Variants in DOHH observed in about 807,000 individuals in gnomAD.
The protein encoded by DOHH is HEAT-like (PBS lyase) repeat containing 1.
DOHH carries 16 observed loss-of-function variants against 19.9 expected under a neutral mutation model. The observed-to-expected ratio is 0.80, with a 90% CI of 0.54 to 1.22. DOHH has a LOEUF of 1.22. Ranked by LOEUF, DOHH falls within the 50% of genes most tolerant of loss-of-function variation. The pLI, the probability that DOHH is intolerant of heterozygous loss-of-function variation, is 0.00. For synonymous variants in DOHH, 233 were observed against 217.0 expected, an observed-to-expected ratio of 1.07 and a Z score of -0.65; for missense variants, 460 against 460.6, an observed-to-expected ratio of 1.00 and a Z score of 0.01.
intron 4 of DOHH, 30 bp downstream of exon 4, chr19:3,492,232 C>T (rs867679784): frequency 1.9e-5 from 27 of 1,444,172 alleles, no homozygotes; most frequent in Non-Finnish European, 2.4e-5. Context: ...AGGCACTGCC[C>T]AGGACCCCAC....
chr19:3,491,692 T>G lies in DOHH; in HGVS notation c.709A>C (p.Met237Leu), dbSNP rs1170623526. The part of the protein sequence containing the change: ...AALARCTENP[M>L]VRHECAEALG... ...GCCTCCGCGCACTCGTGCCGCACCA[T>G]GGGGTTCTCGGTGCATCGGGCCAGG... Residue 237 changes from methionine to leucine, a missense_variant, in exon 5 of 5, where the codon ATG becomes CTG. Transcript: ENST00000427575. The surrounding 1 kb of genome is among the most constrained non-coding windows in gnomAD (Gnocchi z 5.6). 3.3e-6 allele frequency: 5 copies of G among 1,530,644 alleles called. No individual in the cohort carries two copies. In the East Asian group the frequency reaches 1.2e-4, roughly 38 times the overall value. The allele number at this position is 1,530,644 out of a possible 1,614,324, so 94.8% of individuals were successfully genotyped here. A position where few individuals can be genotyped will look rare whatever the true frequency, so the allele number is the denominator to read the frequency against.
chr19:3,491,347 G>A lies in DOHH; in HGVS notation c.*145C>T. ...GCACAACGGCAGCTCCTCGGTCCCA[G>A]ACGGAGGAGGGGGACAGCAACCATG... On this transcript the variant is annotated 3_prime_UTR_variant, in exon 5 of 5. Coordinates refer to ENST00000427575, the MANE Select transcript of DOHH (RefSeq NM_001145165.2). The surrounding 1 kb of genome is among the most constrained non-coding windows in gnomAD (Gnocchi z 5.6). 1 of 873,838 alleles carries A rather than the reference G, an allele frequency of 1.1e-6. No individual in the cohort carries two copies. Among genetic ancestry groups the A allele is most frequent in the Non-Finnish European group, 1.7e-6 (1 of 583,520 alleles). 54.1% of individuals were successfully genotyped at this position (873,838 alleles called of 1,614,324 possible).
In DOHH at chr19:3,491,220, A is replaced by C; in HGVS notation, c.*272T>G. On this transcript the variant is annotated 3_prime_UTR_variant, in exon 5 of 5. Coordinates refer to ENST00000427575, the MANE Select transcript of DOHH (RefSeq NM_001145165.2). The surrounding 1 kb of genome is among the most constrained non-coding windows in gnomAD (Gnocchi z 5.6). ...AATCCTCCCCTGTCCTGAGCCGGGCATCCCAGAGCCTCCCGCAGAGTCCCA... is the reference window on the plus strand; with the variant it reads ...AATCCTCCCCTGTCCTGAGCCGGGCCTCCCAGAGCCTCCCGCAGAGTCCCA... The C allele has an allele frequency of 1.9e-6, 1 of 527,894 alleles. No homozygotes were observed. The highest frequency in any genetic ancestry group is 3.3e-6 in the Non-Finnish European group (1 of 303,750). The allele number at this position is 527,894 out of a possible 1,614,324, so 32.7% of individuals were successfully genotyped here.
Position 3,496,767 on chromosome 19 carries a change from G to C in DOHH, c.48C>G (p.Asp16Glu), listed in dbSNP as rs778426380. 8.1e-6 allele frequency: 13 copies of C among 1,606,040 alleles called. No homozygotes were observed. The highest frequency in any genetic ancestry group is 1.1e-5 in the Non-Finnish European group (13 of 1,177,360). ...AGCGGGCCTGCAGGGGCTGCTTGGG[G>C]TCCACCAGCGTCTGCCCGATGGCAT... ...EVDAIGQTLVDPKQPLQARFR... is the reference protein window; with the variant it reads ...EVDAIGQTLVEPKQPLQARFR... Residue 16 changes from aspartate (D) to glutamate (E), a missense_variant, in exon 2 of 5, where the codon GAC (aspartate) becomes GAG (glutamate). Transcript: ENST00000427575. This position sits in a 1 kb window ranked among gnomAD's most constrained non-coding sequence, Gnocchi z 4.8.
At chr19:3,500,060 G>T (rs1159413143) in intron 1 of DOHH, among the ~76,000 whole-genome samples, 2 of 152,090 alleles carry the variant, frequency 1.3e-5, no homozygotes, top group African/African-American at 4.8e-5. Flanking sequence ...TTTGTTGAAT[G>T]ACTTAGGATA....
chr19:3,491,539 AG>A lies in DOHH; in HGVS notation c.861del (p.Phe288SerfsTer40). 6.5e-7 allele frequency: 1 copy of A among 1,535,648 alleles called. No individual in the cohort carries two copies. Among genetic ancestry groups the A allele is most frequent in the Non-Finnish European group, 8.7e-7 (1 of 1,146,712 alleles). ...TGCTCCAGGCCGTCCGCGTACTGGA[AG>A]GCCCGCCCGGTCTCGTGCTCATACA... ...LDMYEHETGR[A>X]FQYADGLEQL... On this transcript the variant is annotated frameshift_variant, in exon 5 of 5. Transcript: ENST00000427575. LOFTEE classifies it high-confidence loss of function. The surrounding 1 kb of genome is among the most constrained non-coding windows in gnomAD (Gnocchi z 5.6).
chr19:3,492,599 G>A (rs953029473), intron 3 of DOHH, 100 bp from the exon 4 acceptor site: 4 of 986,590 alleles, frequency 4.1e-6, no homozygotes, highest in African/African-American at 1.7e-5. Flanking sequence ...GAGAGACACT[G>A]GCAGGGTGAC....
rs111669819 is a variant in DOHH at position 3,492,339 on chromosome 19, G to T, written c.512C>A (p.Pro171Gln). The T allele has an allele frequency of 1.3e-6, 2 of 1,544,764 alleles. No individual in the cohort carries two copies. Among genetic ancestry groups the T allele is most frequent in the Non-Finnish European group, 8.7e-7 (1 of 1,152,614 alleles). Residue 171 changes from proline (P) to glutamine (Q), a missense_variant, in exon 4 of 5, where the codon CCG becomes CAG. By Grantham distance (76) the Pro-to-Gln change is moderately conservative. Coordinates refer to ENST00000427575, the MANE Select transcript of DOHH (RefSeq NM_001145165.2). The part of the protein sequence containing the change: ...LREALLDESR[P>Q]LFERYRAMFA... ...CATGGCGCGGTATCGCTCGAAGAGC[G>T]GCCGGGACTCATCCAGCAGCGCCTC...
chr19:3,491,707 A>C lies in DOHH; in HGVS notation c.694T>G (p.Cys232Gly). The change falls in exon 5 of 5, where the codon TGC (cysteine) becomes GGC (glycine). Residue 232 changes from cysteine (C) to glycine (G), a missense_variant. By Grantham distance (159) the Cys-to-Gly change is radical (BLOSUM62 -3). Coordinates refer to ENST00000427575, the MANE Select transcript of DOHH (RefSeq NM_001145165.2). The surrounding 1 kb of genome is among the most constrained non-coding windows in gnomAD (Gnocchi z 5.6). ...VPQLAAALAR[C>G]TENPMVRHEC... ...TGCCGCACCATGGGGTTCTCGGTGC[A>C]TCGGGCCAGGGCGGCCGCCAGCTGG... 1 of 1,524,274 alleles carries C rather than the reference A, an allele frequency of 6.6e-7. No homozygotes were observed. The highest frequency in any genetic ancestry group is 8.8e-7 in the Non-Finnish European group (1 of 1,138,576). 94.4% of individuals were successfully genotyped at this position (1,524,274 alleles called of 1,614,324 possible). A position where few individuals can be genotyped will look rare whatever the true frequency, so the allele number is the denominator to read the frequency against.
In DOHH at chr19:3,496,449, T is replaced by A; in HGVS notation, c.274+92A>T. On this transcript the variant is annotated intron_variant, in intron 2 of 4. Transcript: ENST00000427575. This position sits in a 1 kb window ranked among gnomAD's most constrained non-coding sequence, Gnocchi z 4.8. ...TCTATGGGGCAGTTGACCACTCTGATATTTATCACCTGAGTGAGGAAGGGG... is the reference window on the plus strand; with the variant it reads ...TCTATGGGGCAGTTGACCACTCTGAAATTTATCACCTGAGTGAGGAAGGGG... 1 of 1,528,160 alleles carries A rather than the reference T, an allele frequency of 6.5e-7. No homozygotes were observed. The highest frequency in any genetic ancestry group is 2.3e-5 in the East Asian group (1 of 44,088). 94.7% of individuals were successfully genotyped at this position (1,528,160 alleles called of 1,614,324 possible).
At chr19:3,494,978 ATTT>A (rs35239692) in intron 2 of DOHH, among the ~76,000 whole-genome samples, 1 of 143,922 alleles carries the variant, frequency 6.9e-6, no homozygotes, top group Non-Finnish European at 1.5e-5. Context: ...ACAACAGTCC[ATTT>A]TTTTTTTTTT....
rs1158593959 is a variant in DOHH at position 3,494,065 on chromosome 19, T to A, written c.314A>T (p.Glu105Val). The A allele has an allele frequency of 2.5e-6, 4 of 1,613,604 alleles. No homozygotes were observed. In the East Asian group the frequency reaches 6.7e-5, roughly 27 times the overall value. ...GTCCGAGGAATACTGCTTCAGGATC[T>A]CCAGAACTTCCGGGTCCCCGATGGC... is the stretch of plus-strand genomic sequence containing the variant. ...LGAIGDPEVL[E>V]ILKQYSSDPV... The change falls in exon 3 of 5, where the codon GAG (glutamate) becomes GTG (valine). Residue 105 changes from glutamate (E) to valine (V), a missense_variant. Glu to Val is a moderately radical substitution (Grantham distance 121). Transcript: ENST00000427575.
rs2082871819 is a variant in DOHH at position 3,491,752 on chromosome 19, G to A, written c.649C>T (p.Gln217Ter). ...HEVGYVLGQL[Q>*]HEAAVPQLAA... ...AGCTGGGGCACCGCCGCCTCGTGCT[G>A]CAGCTGTCCCAGGACGTAGCCGACC... The change falls in exon 5 of 5, where the codon CAG becomes TAG. Residue 217 changes from glutamine to a stop codon, truncating the protein, a stop_gained. Coordinates refer to ENST00000427575, the MANE Select transcript of DOHH (RefSeq NM_001145165.2). LOFTEE classifies it low-confidence loss of function (END_TRUNC). The surrounding 1 kb of genome is among the most constrained non-coding windows in gnomAD (Gnocchi z 5.6). The A allele has an allele frequency of 1.1e-5, 16 of 1,513,316 alleles. No individual in the cohort carries two copies. Among genetic ancestry groups the A allele is most frequent in the Middle Eastern group, 3.7e-4 (2 of 5,342 alleles). 93.7% of individuals were successfully genotyped at this position (1,513,316 alleles called of 1,614,324 possible).
Position 3,491,484 on chromosome 19 carries a change from G to T in DOHH, c.*8C>A. ...AGTCCTCCGGGAGCTCCGGGTGAGG[G>T]TGGGGCCCTAGGAGGGGGCCCCGCG... On this transcript the variant is annotated 3_prime_UTR_variant, in exon 5 of 5. Coordinates refer to ENST00000427575, the MANE Select transcript of DOHH (RefSeq NM_001145165.2). This position sits in a 1 kb window ranked among gnomAD's most constrained non-coding sequence, Gnocchi z 5.6. 1 of 1,531,550 alleles carries T rather than the reference G, an allele frequency of 6.5e-7. No homozygotes were observed. Among genetic ancestry groups the T allele is most frequent in the South Asian group, 1.2e-5 (1 of 83,748 alleles). 94.9% of individuals were successfully genotyped at this position (1,531,550 alleles called of 1,614,324 possible).
At position 3,496,488 on chromosome 19, in the gene DOHH, T is replaced by C. The variant is rs2082908159; in HGVS notation, c.274+53A>G. The C allele has an allele frequency of 1.9e-6, 3 of 1,576,478 alleles. No individual in the cohort carries two copies. Among genetic ancestry groups the C allele is most frequent in the Admixed American group, 1.7e-5 (1 of 58,790 alleles). On this transcript the variant is annotated intron_variant, in intron 2 of 4. Transcript: ENST00000427575. This position sits in a 1 kb window ranked among gnomAD's most constrained non-coding sequence, Gnocchi z 4.8. ...GTGAGGAAGGGGACACGTGGGGTCA[T>C]GAAGAAGTGAGGCAGGAGGGAGCAG...
Position 3,496,474 on chromosome 19 carries a change from G to T in DOHH, c.274+67C>A. Reference sequence around the variant, plus strand: ...TATTTATCACCTGAGTGAGGAAGGGGACACGTGGGGTCATGAAGAAGTGAG... The same window carrying T: ...TATTTATCACCTGAGTGAGGAAGGGTACACGTGGGGTCATGAAGAAGTGAG... On this transcript the variant is annotated intron_variant, in intron 2 of 4. Coordinates refer to ENST00000427575, the MANE Select transcript of DOHH (RefSeq NM_001145165.2). The surrounding 1 kb of genome is among the most constrained non-coding windows in gnomAD (Gnocchi z 4.8). The T allele has an allele frequency of 6.4e-7, 1 of 1,558,376 alleles. No homozygotes were observed. Among genetic ancestry groups the T allele is most frequent in the South Asian group, 1.2e-5 (1 of 85,106 alleles).
intron 3 of DOHH, 21 bp from the exon 4 acceptor site, chr19:3,492,520 G>T: frequency 7.3e-7 from 1 of 1,371,858 alleles, no homozygotes; most frequent in Non-Finnish European, 9.4e-7. Flanking sequence ...GGGGTATCAG[G>T]CAGCGGGTTG....
chr19:3,493,919 C>T, intron 3 of DOHH, 109 bp downstream of exon 3: 4 of 1,040,364 alleles, frequency 3.8e-6, no homozygotes, highest in Non-Finnish European at 1.4e-6. Flanking sequence ...GCCCTGGCAA[C>T]CAGAGATGGG....
Position 3,491,984 on chromosome 19 carries a change from C to T in DOHH, c.590-173G>A, listed in dbSNP as rs1401319105. ...GACAGGCGTGAGCCACCACGCCCAA[C>T]CTGGGGTGTTCTACCTTGAAGACAC... On this transcript the variant is annotated intron_variant, in intron 4 of 4. Transcript: ENST00000427575. This position sits in a 1 kb window ranked among gnomAD's most constrained non-coding sequence, Gnocchi z 5.6. 6.6e-6 allele frequency among the ~76,000 whole-genome samples: 1 copy of T among 152,198 alleles called. No homozygotes were observed. Among genetic ancestry groups the T allele is most frequent in the African/African-American group, 2.4e-5 (1 of 41,450 alleles).
Sources: gnomAD v4.1 joint callset for allele counts (sites outside exome capture counted in the v4.1 genomes callset) on GRCh38, gnomAD v4.1.1 for gene constraint, Gnocchi (gnomAD v3.1) non-coding constraint, MANE v1.5 for transcripts, NCBI Gene and HGNC (gene_info 2026-07-23, HGNC 2026-07-21) for gene names.